Variants in NXPE2 observed in about 807,000 individuals in gnomAD.
NXPE2 encodes NXPE family member 2.
A neutral mutation model predicts 34.4 loss-of-function variants in NXPE2; 34 were observed. The ratio of observed to expected loss-of-function variants is 0.99; its 90% CI spans 0.75 to 1.31. The LOEUF (loss-of-function observed/expected upper bound fraction) is 1.31. Ranked by LOEUF, NXPE2 falls within the 40% of genes most tolerant of loss-of-function variation. NXPE2 has a pLI of 0.00. For synonymous variants in NXPE2, 235 were observed against 231.3 expected (o/e 1.02, Z -0.15); for missense variants, 649 against 672.5 (o/e 0.97, Z 0.39).
At chr11:114,630,185 A>G in the NXPE2 span, among the ~76,000 whole-genome samples, 1 of 151,816 alleles carries the variant, frequency 6.6e-6, no homozygotes, top group Non-Finnish European at 1.5e-5. Flanking sequence ...TAAAGTTCAT[A>G]TGGAACCAAA....
the NXPE2 span, among the ~76,000 whole-genome samples, chr11:114,634,578 A>G: frequency 9.9e-5 from 15 of 152,048 alleles, no homozygotes; most frequent in South Asian, 6.2e-4. Flanking sequence ...GTTTTCTTCT[A>G]GGGTTTTTAT....
the NXPE2 span, among the ~76,000 whole-genome samples, chr11:114,489,547 T>TA: frequency 1.2e-4 from 18 of 152,008 alleles, no homozygotes; most frequent in East Asian, 3.5e-3. Context: ...GCAAGGCTGG[T>TA]TCAACATATG....
At chr11:114,484,054 A>G in the NXPE2 span, among the ~76,000 whole-genome samples, 3 of 152,106 alleles carry the variant, frequency 2.0e-5, no homozygotes, top group South Asian at 2.1e-4. Context: ...TTGCTCTTCC[A>G]TGGAGAACTT....
chr11:114,560,157 T>C, the NXPE2 span, among the ~76,000 whole-genome samples: 3 of 152,188 alleles, frequency 2.0e-5, no homozygotes, highest in African/African-American at 7.2e-5. Flanking sequence ...CAAGTGACTC[T>C]ATGGATAGGC....
the NXPE2 span, among the ~76,000 whole-genome samples, chr11:114,723,743 G>A: frequency 1.3e-5 from 2 of 152,270 alleles, no homozygotes; most frequent in Non-Finnish European, 2.9e-5. Flanking sequence ...TCACAAAAAT[G>A]ATCCTGGCAA....
chr11:114,810,451 G>T, the NXPE2 span, among the ~76,000 whole-genome samples: 1 of 136,580 alleles, frequency 7.3e-6, no homozygotes, highest in African/African-American at 2.7e-5. Flanking sequence ...ATCTGACAAA[G>T]GGCTAATATC....
At chr11:114,589,926 T>C in the NXPE2 span, among the ~76,000 whole-genome samples, 1 of 152,214 alleles carries the variant, frequency 6.6e-6, no homozygotes. Context: ...CTAATCCCTA[T>C]ACCTTGCTAA....
At chr11:114,781,609 G>A in the NXPE2 span, among the ~76,000 whole-genome samples, 1 of 152,234 alleles carries the variant, frequency 6.6e-6, no homozygotes, top group Middle Eastern at 3.4e-3. Context: ...CAGGGGCAAG[G>A]GCACAGTGCA....
At chr11:114,651,375 C>T in the NXPE2 span, among the ~76,000 whole-genome samples, 2 of 151,900 alleles carry the variant, frequency 1.3e-5, no homozygotes, top group East Asian at 1.9e-4. Context: ...CTGGTGGGTT[C>T]GTGGTCTCGT....
chr11:114,718,514 A>C, the NXPE2 span, among the ~76,000 whole-genome samples: 47 of 152,198 alleles, frequency 3.1e-4, no homozygotes, highest in African/African-American at 1.1e-3. Flanking sequence ...CACAATGCCT[A>C]ATTTTAATAA....
the NXPE2 span, among the ~76,000 whole-genome samples, chr11:114,563,136 A>AG: frequency 6.6e-6 from 1 of 152,090 alleles, no homozygotes; most frequent in Non-Finnish European, 1.5e-5. Context: ...AAAGTGGGGA[A>AG]GGTACAGTTC....
chr11:114,467,436 G>GC, the NXPE2 span, among the ~76,000 whole-genome samples: 1 of 152,136 alleles, frequency 6.6e-6, no homozygotes, highest in Non-Finnish European at 1.5e-5. Flanking sequence ...AAGGATAGAG[G>GC]CCTAGGAAAT....
At chr11:114,575,176 T>G in the NXPE2 span, among the ~76,000 whole-genome samples, 1 of 152,010 alleles carries the variant, frequency 6.6e-6, no homozygotes, top group East Asian at 1.9e-4. Flanking sequence ...AAAATCAACA[T>G]AGAAGGGACA....
the NXPE2 span, among the ~76,000 whole-genome samples, chr11:114,730,343 G>C: frequency 6.6e-6 from 1 of 151,958 alleles, no homozygotes; most frequent in East Asian, 1.9e-4. Flanking sequence ...GTGATGCTCC[G>C]GTTGTGTTCT....
At chr11:114,552,253 G>T in the NXPE2 span, among the ~76,000 whole-genome samples, 2 of 152,148 alleles carry the variant, frequency 1.3e-5, no homozygotes, top group Non-Finnish European at 2.9e-5. Context: ...CTGAAGCGTG[G>T]TGTGAGAGAA....
chr11:114,632,395 A>C, the NXPE2 span, among the ~76,000 whole-genome samples: 10 of 133,434 alleles, frequency 7.5e-5, no homozygotes, highest in African/African-American at 2.4e-4. Context: ...ATATAAATAT[A>C]AATATACATA....
At chr11:114,581,142 A>T in the NXPE2 span, among the ~76,000 whole-genome samples, 4 of 152,314 alleles carry the variant, frequency 2.6e-5, no homozygotes, top group African/African-American at 9.6e-5. Flanking sequence ...TTTAATGCTG[A>T]ACTTGCAGAG....
chr11:114,758,806 A>T, the NXPE2 span, among the ~76,000 whole-genome samples: 1 of 148,408 alleles, frequency 6.7e-6, no homozygotes, highest in Non-Finnish European at 1.5e-5. Flanking sequence ...TTTATATTTT[A>T]TATATAATTT....
the NXPE2 span, among the ~76,000 whole-genome samples, chr11:114,625,874 G>A: frequency 6.6e-6 from 1 of 152,112 alleles, no homozygotes; most frequent in Non-Finnish European, 1.5e-5. Context: ...AAGCGCAAGG[G>A]GTCAGGGAGT....
Sources: allele counts gnomAD v4.1 joint callset (sites outside exome capture counted in the v4.1 genomes callset), GRCh38; gene constraint gnomAD v4.1.1; transcripts MANE v1.5; gene names NCBI Gene and HGNC (gene_info 2026-07-23, HGNC 2026-07-21).